Variants in WWTR1 observed in about 807,000 individuals in gnomAD.
The protein encoded by WWTR1 is WW domain-containing transcription regulator protein 1.
A neutral mutation model predicts 40.1 loss-of-function variants in WWTR1; 13 were observed. That is an observed-to-expected ratio of 0.32 (90% CI 0.21 to 0.52). The LOEUF (loss-of-function observed/expected upper bound fraction) is 0.52. Among genes scored for constraint, WWTR1 ranks in the 20% least tolerant of loss-of-function variants. WWTR1 has a pLI of 0.97. For missense variants in WWTR1, 436 were observed against 523.1 expected (o/e 0.83, Z 1.63); for synonymous variants, 230 against 210.1 (o/e 1.09, Z -0.82).
intron 2 of WWTR1, among the ~76,000 whole-genome samples, chr3:149,577,031 C>T (rs1407683243): frequency 6.6e-6 from 1 of 152,112 alleles, no homozygotes; most frequent in Admixed American, 6.6e-5. Flanking sequence ...GTGGCACATG[C>T]CTGTAATCCC....
chr3:149,546,926 G>A (rs189518573), intron 3 of WWTR1, among the ~76,000 whole-genome samples: 2 of 152,194 alleles, frequency 1.3e-5, no homozygotes, highest in African/African-American at 4.8e-5. Flanking sequence ...CTAGAAGCCA[G>A]GTGACTTGTC....
chr3:149,527,905 A>G lies in WWTR1; in HGVS notation c.836T>C (p.Val279Ala). The G allele has an allele frequency of 6.2e-7, 1 of 1,614,178 alleles. No individual in the cohort carries two copies. The highest frequency in any genetic ancestry group is 8.5e-7 in the Non-Finnish European group (1 of 1,180,026). ...AETLAPVQAA[V>A]NPPTMTPDMR... is the part of the protein sequence containing the mutation. ...GTCTGGGGTCATCGTGGGTGGGTTG[A>G]CAGCAGCCTGAACTGGGGCAAGAGT... Residue 279 changes from valine to alanine, a missense_variant, in exon 5 of 7, where the codon GTC becomes GCC. By Grantham distance (64) the Val-to-Ala change is moderately conservative. Coordinates refer to ENST00000360632, the MANE Select transcript of WWTR1 (RefSeq NM_015472.6).
chr3:149,527,888 T>A lies in WWTR1; in HGVS notation c.853A>T (p.Thr285Ser), dbSNP rs28763914. ...VQAAVNPPTM[T>S]PDMRSITNNS... is the part of the protein sequence containing the mutation. ...TTAGTGATGGATCTCATGTCTGGGG[T>A]CATCGTGGGTGGGTTGACAGCAGCC... Residue 285 changes from threonine to serine, a missense_variant, in exon 5 of 7, where the codon ACC (threonine) becomes TCC (serine). Coordinates refer to ENST00000360632, the MANE Select transcript of WWTR1 (RefSeq NM_015472.6). 15,151 of 1,614,046 alleles carry A rather than the reference T, an allele frequency of 9.4e-3. 292 individuals carry two copies. Among genetic ancestry groups the A allele is most frequent in the South Asian group, 0.065 (5,915 of 91,074 alleles).
chr3:149,518,482 T>C lies in WWTR1; in HGVS notation c.*2323A>G, dbSNP rs769486719. ...TTTATTTATTTATTTTTAGCAAGAA[T>C]GTACAATTCTTTTTGCAATTTTTTG... On this transcript the variant is annotated 3_prime_UTR_variant, in exon 7 of 7. Coordinates refer to ENST00000360632, the MANE Select transcript of WWTR1 (RefSeq NM_015472.6). 1 of 152,184 alleles carries C rather than the reference T, an allele frequency of 6.6e-6. No homozygotes were observed. The highest frequency in any genetic ancestry group is 2.4e-5 in the African/African-American group (1 of 41,456). The allele number at this position is 152,184 out of a possible 1,614,324, so 9.4% of individuals were successfully genotyped here.
chr3:149,661,926 T>G (rs1329208412), upstream of WWTR1, among the ~76,000 whole-genome samples: 4 of 151,712 alleles, frequency 2.6e-5, no homozygotes, highest in East Asian at 1.9e-4. Context: ...AGAGACGGGG[T>G]TTCACCATTT....
chr3:149,709,805 G>A (rs1715433477), intron 5 of WWTR1, among the ~76,000 whole-genome samples: 1 of 152,196 alleles, frequency 6.6e-6, no homozygotes, highest in Admixed American at 6.5e-5. Flanking sequence ...TCGAGAGGCT[G>A]AGGTGGGAGA....
rs982561450 is a variant in WWTR1 at position 149,709,347 on chromosome 3, TA to T, written n.585-6020del. The stretch of plus-strand genomic sequence containing the variant: ...AACTCATTGTGGTTTTGATTTGTAT[TA>T]ATATCTCCCTGTTGATTAGTAATTT... On this transcript the variant is annotated intron_variant and non_coding_transcript_variant, in intron 5 of 6. Coordinates refer to the WWTR1 transcript ENST00000474080. 3.9e-5 allele frequency among the ~76,000 whole-genome samples: 6 copies of T among 152,220 alleles called. No homozygotes were observed. The East Asian group carries it at 1.2e-3, about 29-fold the overall frequency.
chr3:149,677,698 G>A (rs1446192851), intron 1 of WWTR1, among the ~76,000 whole-genome samples: 4 of 152,042 alleles, frequency 2.6e-5, no homozygotes, highest in South Asian at 2.1e-4. Flanking sequence ...AAATCAACGC[G>A]GTGTCGTGAC....
intron 4 of WWTR1, among the ~76,000 whole-genome samples, chr3:149,533,804 A>G (rs568620167): frequency 4.4e-4 from 58 of 132,154 alleles, no homozygotes; most frequent in African/African-American, 1.8e-3. Context: ...CTGGGATGCT[A>G]TAAAGATTAG....
chr3:149,560,362 G>T (rs73155004), intron 3 of WWTR1, among the ~76,000 whole-genome samples: 17,747 of 152,224 alleles, frequency 0.12, 1,340 homozygotes, highest in Middle Eastern at 0.18. Flanking sequence ...CAGAAGAGAA[G>T]TCTCCCAAGG....
intron 2 of WWTR1, chr3:149,650,332 G>C (rs143697239): frequency 6.6e-6 from 1 of 152,284 alleles, no homozygotes; most frequent in East Asian, 1.9e-4. Context: ...ACAGGTTTTG[G>C]AATCACAGAG....
At chr3:149,629,165 A>G (rs1711499542) in intron 2 of WWTR1, among the ~76,000 whole-genome samples, 2 of 152,200 alleles carry the variant, frequency 1.3e-5, no homozygotes, top group South Asian at 4.1e-4. Context: ...GTTTAAGAGG[A>G]AAAAAAGTTA....
chr3:149,718,598 A>C (rs1715669089), intron 4 of WWTR1, among the ~76,000 whole-genome samples: 1 of 152,210 alleles, frequency 6.6e-6, no homozygotes, highest in South Asian at 2.1e-4. Flanking sequence ...TTCATCTTGC[A>C]AAATTGAAAC....
chr3:149,619,114 G>C (rs541564855), intron 2 of WWTR1, among the ~76,000 whole-genome samples: 1 of 152,306 alleles, frequency 6.6e-6, no homozygotes, highest in African/African-American at 2.4e-5. Context: ...AGAAAGAGAT[G>C]AAATTCACCA....
intron 3 of WWTR1, among the ~76,000 whole-genome samples, chr3:149,567,926 C>T (rs1251134558): frequency 6.6e-6 from 1 of 152,210 alleles, no homozygotes; most frequent in Non-Finnish European, 1.5e-5. Flanking sequence ...TAACCAAGGA[C>T]TAAGATCTGC....
chr3:149,610,969 C>G (rs1739709921), intron 2 of WWTR1, among the ~76,000 whole-genome samples: 1 of 149,532 alleles, frequency 6.7e-6, no homozygotes, highest in Non-Finnish European at 1.5e-5. Flanking sequence ...GAACCAAGAC[C>G]CCATCTGTAC....
At chr3:149,723,854 T>C (rs1190454745) in intron 4 of WWTR1, among the ~76,000 whole-genome samples, 1 of 152,200 alleles carries the variant, frequency 6.6e-6, no homozygotes, top group African/African-American at 2.4e-5. Context: ...AATGAGAGCA[T>C]AGATCCTAAA....
intron 2 of WWTR1, chr3:149,575,933 A>T: frequency 2.2e-6 from 1 of 456,238 alleles, no homozygotes; most frequent in Non-Finnish European, 4.4e-6. Context: ...CCTGCAGTGC[A>T]GTGGGAGCCT....
chr3:149,525,714 A>T (rs1228787826), intron 6 of WWTR1: 1 of 177,494 alleles, frequency 5.6e-6, no homozygotes, highest in African/African-American at 2.5e-5. Flanking sequence ...TTCATGAAGC[A>T]TTCCATTTTT....
Sources: allele counts gnomAD v4.1 joint callset (sites outside exome capture counted in the v4.1 genomes callset), GRCh38; gene constraint gnomAD v4.1.1; transcripts MANE v1.5; gene names NCBI Gene and HGNC (gene_info 2026-07-23, HGNC 2026-07-21).